ARHGAP39: variants seen among roughly 807,000 people sequenced by gnomAD.
ARHGAP39 encodes Rho GTPase activating protein 39, also known as rho GTPase-activating protein 39.
In ARHGAP39, 44 loss-of-function variants were observed where a neutral mutation model predicts 106.9. The observed-to-expected ratio is 0.41, with a 90% CI of 0.32 to 0.53. The LOEUF is 0.53. Among genes scored for constraint, ARHGAP39 ranks in the 20% least tolerant of loss-of-function variants. ARHGAP39 has a pLI of 0.21. For missense variants in ARHGAP39, 1,496 were observed against 1,577.3 expected (o/e 0.95, Z 0.87); for synonymous variants, 768 against 693.2 (o/e 1.11, Z -1.69).
chr8:144,605,730 A>G, intron 1 of ARHGAP39, 35 bp from the exon 2 acceptor site: 1 of 973,330 alleles, frequency 1.0e-6, no homozygotes, highest in South Asian at 1.4e-5. Flanking sequence ...GCTGATATGG[A>G]AGACGCCTCA....
At chr8:144,665,585 A>G (rs1821943319) in intron 1 of ARHGAP39, among the ~76,000 whole-genome samples, 2 of 152,328 alleles carry the variant, frequency 1.3e-5, no homozygotes, top group South Asian at 2.1e-4. Context: ...CCTCTGTCCC[A>G]GCCTCTCCAA....
chr8:144,529,304 C>T lies in ARHGAP39; in HGVS notation c.*1118G>A, dbSNP rs1330768817. The T allele has an allele frequency of 5.3e-6, 1 of 188,418 alleles. No individual in the cohort carries two copies. The highest frequency in any genetic ancestry group is 1.1e-5 in the Non-Finnish European group (1 of 92,470). The allele number at this position is 188,418 out of a possible 1,614,324, so 11.7% of individuals were successfully genotyped here. ...ACCCGACTGAGGACGCCGCCCAGGC[C>T]TCGGCAGGGCTGGGGCTTTTGTTTT... On this transcript the variant is annotated 3_prime_UTR_variant, in exon 12 of 12. Transcript: ENST00000377307.
intron 1 of ARHGAP39, among the ~76,000 whole-genome samples, chr8:144,614,172 T>A (rs1009961716): frequency 7.9e-5 from 12 of 152,222 alleles, no homozygotes; most frequent in Non-Finnish European, 1.5e-4. Context: ...AATACAGTTA[T>A]AATAATTACT....
At chr8:144,549,504 G>C (rs1817615592) in intron 4 of ARHGAP39, among the ~76,000 whole-genome samples, 1 of 151,944 alleles carries the variant, frequency 6.6e-6, no homozygotes, top group Non-Finnish European at 1.5e-5. Context: ...GTTTTGTTTT[G>C]TTTTTTTGAG....
rs958820315 is a variant in ARHGAP39 at position 144,532,391 on chromosome 8, G to A, written c.2894C>T (p.Pro965Leu). 1 of 1,612,366 alleles carries A rather than the reference G, an allele frequency of 6.2e-7. No homozygotes were observed. Among genetic ancestry groups the A allele is most frequent in the Non-Finnish European group, 8.5e-7 (1 of 1,179,610 alleles). ...GGCATTCACCTCGTCAATGTCCCCA[G>A]GGACCCTGCAGGGCACAGGGCAGGT... ...GDQTEGIFRV[P>L]GDIDEVNALK... is the part of the protein sequence containing the mutation. The change falls in exon 10 of 12, where the codon CCT becomes CTT. Residue 965 changes from proline to leucine, a missense_variant. Physicochemically the swap from Pro to Leu is moderately conservative, Grantham distance 98. This residue lies in a region of ARHGAP39 where 470 missense variants were observed against 605.1 expected (regional missense o/e 0.78). Transcript: ENST00000377307.
chr8:144,542,901 T>C (rs911023240), intron 6 of ARHGAP39, among the ~76,000 whole-genome samples: 10 of 149,078 alleles, frequency 6.7e-5, no homozygotes, highest in Admixed American at 5.4e-4. Flanking sequence ...ATTGCACCAC[T>C]GCACTCCTGA....
rs2130945978 is a variant in ARHGAP39 at position 144,605,541 on chromosome 8, T to C, written c.74A>G (p.Asn25Ser). 1.2e-6 allele frequency: 2 copies of C among 1,613,896 alleles called. No individual in the cohort carries two copies. Among genetic ancestry groups the C allele is most frequent in the African/African-American group, 2.7e-5 (2 of 75,016 alleles). The change falls in exon 2 of 12, where the codon AAC becomes AGC. Residue 25 changes from asparagine to serine, a missense_variant. Asn to Ser is a conservative substitution (Grantham distance 46). Transcript: ENST00000377307. ...AGGTCGGTCGGCTCCTTACCGAGTG[T>C]TCGACCCTGGAATCCTCGACTCCGG... is the stretch of plus-strand genomic sequence containing the variant. ...DLPESRIPGS[N>S]TRLEWVEIIE... is the part of the protein sequence containing the mutation.
Position 144,591,974 on chromosome 8 carries a change from T to TA in ARHGAP39, c.81-10698dup, listed in dbSNP as rs1219673701. ...TCTCCTGTTCTCGCGTCACTTCTGT[T>TA]AGATTTTAGCAGAACAAAGTTGAGA... On this transcript the variant is annotated intron_variant, in intron 2 of 11. Transcript: ENST00000377307. The surrounding 1 kb of genome is among the most constrained non-coding windows in gnomAD (Gnocchi z 5.3). Among the ~76,000 whole-genome samples the TA allele has an allele frequency of 6.6e-6, 1 of 152,164 alleles. No homozygotes were observed. The highest frequency in any genetic ancestry group is 1.9e-4 in the East Asian group (1 of 5,194).
At chr8:144,699,599 G>A in the ARHGAP39 span, among the ~76,000 whole-genome samples, 1 of 144,814 alleles carries the variant, frequency 6.9e-6, no homozygotes, top group Non-Finnish European at 1.5e-5. Context: ...GGCACGGAGG[G>A]GAGGCTGTGT....
At chr8:144,600,382 C>A (rs1374351928) in intron 2 of ARHGAP39, among the ~76,000 whole-genome samples, 1 of 133,894 alleles carries the variant, frequency 7.5e-6, no homozygotes, top group Admixed American at 7.5e-5. Flanking sequence ...GGGTACCTAC[C>A]TGCGTGTGTG....
intron 8 of ARHGAP39, 54 bp from the exon 9 acceptor site, chr8:144,533,379 C>T (rs994257597): frequency 1.8e-5 from 28 of 1,560,668 alleles, no homozygotes; most frequent in South Asian, 6.7e-5. Context: ...CAGGACCCCC[C>T]GCCACCCCGG....
chr8:144,597,021 T>C (rs553408739), intron 2 of ARHGAP39, among the ~76,000 whole-genome samples: 7 of 152,302 alleles, frequency 4.6e-5, no homozygotes, highest in Non-Finnish European at 8.8e-5. Flanking sequence ...CCATGGCTTC[T>C]CACACCAGAC....
intron 1 of ARHGAP39, among the ~76,000 whole-genome samples, chr8:144,654,176 A>G (rs111763821): frequency 0.032 from 4,875 of 152,292 alleles, 232 homozygotes; most frequent in African/African-American, 0.11. Context: ...GGGAGAAGAC[A>G]GTAAAAGTAG....
In ARHGAP39 at chr8:144,585,717, G is replaced by A. The variant is rs1280406050; in HGVS notation, c.81-4440C>T. On this transcript the variant is annotated intron_variant, in intron 2 of 11. Coordinates refer to ENST00000377307, the MANE Select transcript of ARHGAP39 (RefSeq NM_025251.3). This position sits in a 1 kb window ranked among gnomAD's most constrained non-coding sequence, Gnocchi z 4.6. ...ACGCGCTGCAGCCTGGGCCTCCCGA[G>A]GATGTCGCTGGTTGTGGCAGTCGGC... 6.6e-6 allele frequency among the ~76,000 whole-genome samples: 1 copy of A among 152,208 alleles called. No individual in the cohort carries two copies. The highest frequency in any genetic ancestry group is 2.4e-5 in the African/African-American group (1 of 41,450).
intron 3 of ARHGAP39, among the ~76,000 whole-genome samples, chr8:144,579,667 G>A (rs1258469804): frequency 6.6e-6 from 1 of 152,094 alleles, no homozygotes; most frequent in Admixed American, 6.5e-5. Context: ...CGGCACGGTG[G>A]GACGGAAGCC....
chr8:144,530,907 G>A (rs569239939), intron 10 of ARHGAP39, 36 bp from the exon 11 acceptor site: 19 of 1,585,054 alleles, frequency 1.2e-5, no homozygotes, highest in African/African-American at 1.1e-4. Context: ...GGCCCTGCTC[G>A]GCGGGCACCC....
intron 1 of ARHGAP39, among the ~76,000 whole-genome samples, chr8:144,674,227 C>G (rs1335360116): frequency 6.6e-6 from 1 of 152,172 alleles, no homozygotes; most frequent in Non-Finnish European, 1.5e-5. Flanking sequence ...GTCACATGTC[C>G]AGGTAGAATG....
chr8:144,685,744 C>A lies in ARHGAP39; in HGVS notation c.-140G>T, dbSNP rs1308928155. On this transcript the variant is annotated 5_prime_UTR_variant, in exon 1 of 12. Coordinates refer to ENST00000377307, the MANE Select transcript of ARHGAP39 (RefSeq NM_025251.3). ...CCCTCATCCCGGCCCGCGCGACGCG[C>A]GTGAGCCAGCCGCCGCTCCCCGGCC... 6.8e-6 allele frequency among the ~76,000 whole-genome samples: 1 copy of A among 147,582 alleles called. No homozygotes were observed. Among genetic ancestry groups the A allele is most frequent in the Non-Finnish European group, 1.5e-5 (1 of 66,204 alleles).
At chr8:144,652,448 A>T (rs1821597671) in intron 1 of ARHGAP39, among the ~76,000 whole-genome samples, 1 of 152,216 alleles carries the variant, frequency 6.6e-6, no homozygotes, top group African/African-American at 2.4e-5. Flanking sequence ...TACCATAAAG[A>T]TACATGCACA....
Sources: gnomAD v4.1 joint callset for allele counts (sites outside exome capture counted in the v4.1 genomes callset) on GRCh38, gnomAD v4.1.1 for gene constraint, gnomAD v4.1.1 regional missense constraint, Gnocchi (gnomAD v3.1) non-coding constraint, MANE v1.5 for transcripts, NCBI Gene and HGNC (gene_info 2026-07-23, HGNC 2026-07-21) for gene names.